The following CERS6 variants were observed in gnomAD, a reference collection of about 807,000 sequenced individuals.
CERS6 encodes ceramide synthase 6, also known as LAG1 homolog, ceramide synthase 6.
In CERS6, 26 loss-of-function variants were observed where a neutral mutation model predicts 56.8. That is an observed-to-expected ratio of 0.46 (90% CI 0.34 to 0.63). The LOEUF (loss-of-function observed/expected upper bound fraction) is 0.63. Among genes scored for constraint, CERS6 ranks in the 30% least tolerant of loss-of-function variants. CERS6 has a pLI of 0.01. For synonymous variants in CERS6, 164 were observed against 173.3 expected, an observed-to-expected ratio of 0.95 and a Z score of 0.42; for missense variants, 415 against 467.5, an observed-to-expected ratio of 0.89 and a Z score of 1.04.
chr2:168,719,656 G>A (rs1687310764), intron 8 of CERS6, among the ~76,000 whole-genome samples: 1 of 152,016 alleles, frequency 6.6e-6, no homozygotes, highest in South Asian at 2.1e-4. Context: ...GTAATTGATG[G>A]GTTTAGTAAC....
chr2:168,623,034 C>T (rs1050261435), intron 3 of CERS6, among the ~76,000 whole-genome samples: 1 of 152,136 alleles, frequency 6.6e-6, no homozygotes, highest in African/African-American at 2.4e-5. Context: ...GCTTCCTCCC[C>T]AGTTGATGAA....
intron 4 of CERS6, among the ~76,000 whole-genome samples, chr2:168,636,587 T>C (rs1239605450): frequency 6.6e-6 from 1 of 152,208 alleles, no homozygotes; most frequent in African/African-American, 2.4e-5. Context: ...TACTGTTCTG[T>C]TGCTGCCTCC....
At chr2:168,555,533 A>C (rs1695659480) in intron 2 of CERS6, among the ~76,000 whole-genome samples, 1 of 152,100 alleles carries the variant, frequency 6.6e-6, no homozygotes, top group African/African-American at 2.4e-5. Context: ...ATATAAAAAA[A>C]TTAATCCCCA....
intron 3 of CERS6, among the ~76,000 whole-genome samples, chr2:168,572,722 C>G (rs1696012876): frequency 6.6e-6 from 1 of 152,100 alleles, no homozygotes; most frequent in Admixed American, 6.5e-5. Flanking sequence ...CCATATTGCA[C>G]TTCTAGTTGT....
At chr2:168,563,234 A>G (rs1205828367) in intron 3 of CERS6, among the ~76,000 whole-genome samples, 1 of 152,200 alleles carries the variant, frequency 6.6e-6, no homozygotes, top group Admixed American at 6.5e-5. Flanking sequence ...TTGTGTAGCA[A>G]GTACTAACAT....
chr2:168,620,067 T>TTA (rs977567354), intron 3 of CERS6, among the ~76,000 whole-genome samples: 1 of 72,242 alleles, frequency 1.4e-5, no homozygotes, highest in African/African-American at 4.5e-5. Context: ...ACACACATAT[T>TTA]TATATATATA....
intron 6 of CERS6, among the ~76,000 whole-genome samples, chr2:168,714,506 C>T (rs1687179056): frequency 6.6e-6 from 1 of 152,152 alleles, no homozygotes; most frequent in Admixed American, 6.5e-5. Flanking sequence ...GTACAGTTGC[C>T]CCAAAGATCT....
chr2:168,686,167 T>A (rs1553508547), intron 4 of CERS6, among the ~76,000 whole-genome samples: 1 of 149,270 alleles, frequency 6.7e-6, no homozygotes, highest in Non-Finnish European at 1.5e-5. Flanking sequence ...TGGCGTCTAG[T>A]GAGGGCACTC....
chr2:168,663,373 A>G (rs1685681047), intron 4 of CERS6, among the ~76,000 whole-genome samples: 1 of 152,206 alleles, frequency 6.6e-6, no homozygotes, highest in Non-Finnish European at 1.5e-5. Context: ...GCAGTTCAGA[A>G]CTACTACTGG....
At chr2:168,621,731 A>G (rs932827352) in intron 3 of CERS6, among the ~76,000 whole-genome samples, 6 of 152,206 alleles carry the variant, frequency 3.9e-5, no homozygotes, top group Admixed American at 3.9e-4. Flanking sequence ...GGAGCCTATG[A>G]CCAAAGCACT....
intron 4 of CERS6, among the ~76,000 whole-genome samples, chr2:168,679,650 T>A (rs368557559): frequency 1.2e-4 from 19 of 152,178 alleles, no homozygotes; most frequent in African/African-American, 4.6e-4. Flanking sequence ...AGTACCTCGC[T>A]CACACACAGA....
At chr2:168,592,646 C>T (rs1683700493) in intron 3 of CERS6, among the ~76,000 whole-genome samples, 1 of 152,004 alleles carries the variant, frequency 6.6e-6, no homozygotes, top group African/African-American at 2.4e-5. Flanking sequence ...TCACTGTGCC[C>T]AGTGACTAAT....
intron 8 of CERS6, among the ~76,000 whole-genome samples, chr2:168,721,182 C>T (rs1687356678): frequency 6.6e-6 from 1 of 152,212 alleles, no homozygotes; most frequent in Non-Finnish European, 1.5e-5. Context: ...ATTTTGTGGT[C>T]ATTTTATATA....
At chr2:168,708,543 C>T (rs1687013863) in intron 6 of CERS6, among the ~76,000 whole-genome samples, 1 of 152,108 alleles carries the variant, frequency 6.6e-6, no homozygotes, top group Non-Finnish European at 1.5e-5. Context: ...TGCTGCTCTT[C>T]TTCTGTTTCC....
intron 1 of CERS6, among the ~76,000 whole-genome samples, chr2:168,474,180 G>A (rs1423967726): frequency 1.3e-5 from 2 of 152,194 alleles, no homozygotes; most frequent in African/African-American, 4.8e-5. Context: ...TGAATGTAGA[G>A]CCATTTTCTT....
At position 168,559,908 on chromosome 2, in the gene CERS6, G is replaced by A. The variant is rs115817087; in HGVS notation, c.277-1284G>A. Among the ~76,000 whole-genome samples the A allele has an allele frequency of 4.3e-3, 646 of 151,594 alleles. 4 individuals carry two copies. The highest frequency in any genetic ancestry group is 0.02 in the Middle Eastern group (6 of 294). On this transcript the variant is annotated intron_variant, in intron 2 of 9. Transcript: ENST00000305747. The stretch of plus-strand genomic sequence containing the variant: ...GATATAATAAAGGAATGGAGGTCAC[G>A]TGGCTTAGTTTTGTTGGGTAGTAGA...
At chr2:168,579,209 T>C (rs1193386500) in intron 3 of CERS6, among the ~76,000 whole-genome samples, 3 of 152,172 alleles carry the variant, frequency 2.0e-5, no homozygotes, top group Non-Finnish European at 4.4e-5. Flanking sequence ...TTGAAGACTT[T>C]GGTATAGTAT....
chr2:168,549,385 C>T (rs1173400550), intron 2 of CERS6, among the ~76,000 whole-genome samples: 1 of 152,172 alleles, frequency 6.6e-6, no homozygotes, highest in Non-Finnish European at 1.5e-5. Flanking sequence ...GCCTGTAATG[C>T]CAGCACTTTG....
At chr2:168,577,771 G>A (rs928078562) in intron 3 of CERS6, among the ~76,000 whole-genome samples, 3 of 152,166 alleles carry the variant, frequency 2.0e-5, no homozygotes, top group Non-Finnish European at 2.9e-5. Context: ...ATAGGAAATG[G>A]GCATCTGAGG....
Sources: gnomAD v4.1 joint callset for allele counts (sites outside exome capture counted in the v4.1 genomes callset) on GRCh38, gnomAD v4.1.1 for gene constraint, MANE v1.5 for transcripts, NCBI Gene and HGNC (gene_info 2026-07-23, HGNC 2026-07-21) for gene names.